The following AAMDC variants were observed in gnomAD, a reference collection of about 807,000 sequenced individuals.
The protein encoded by AAMDC is adipogenesis associated Mth938 domain containing.
A neutral mutation model predicts 15.5 loss-of-function variants in AAMDC; 16 were observed. That is an observed-to-expected ratio of 1.03 (90% confidence interval 0.70 to 1.57). The LOEUF (loss-of-function observed/expected upper bound fraction) is 1.57. AAMDC is among the 40% of genes most tolerant of loss of function. The pLI is 0.00. For synonymous variants in AAMDC, 51 were observed against 51.6 expected (o/e 0.99, Z 0.05); for missense variants, 141 against 144.9 (o/e 0.97, Z 0.14).
chr11:77,835,825 G>A (rs187212302), intron 1 of AAMDC, among the ~76,000 whole-genome samples: 3 of 152,144 alleles, frequency 2.0e-5, no homozygotes, highest in Middle Eastern at 3.4e-3. Flanking sequence ...GGTGGCTGAG[G>A]CACAAGAATC....
chr11:77,856,579 G>A (rs538798596), intron 2 of AAMDC, among the ~76,000 whole-genome samples: 2 of 152,114 alleles, frequency 1.3e-5, no homozygotes, highest in Non-Finnish European at 2.9e-5. Flanking sequence ...ATTGGCTCAC[G>A]GTTCCACAGG....
At chr11:77,843,387 C>T (rs1565202231) in intron 2 of AAMDC, among the ~76,000 whole-genome samples, 2 of 152,150 alleles carry the variant, frequency 1.3e-5, no homozygotes, top group African/African-American at 4.8e-5. Context: ...GATGTAGCCT[C>T]AACAACAGAA....
intron 1 of AAMDC, among the ~76,000 whole-genome samples, chr11:77,837,428 G>A (rs1055605110): frequency 6.8e-6 from 1 of 146,828 alleles, no homozygotes; most frequent in African/African-American, 2.5e-5. Flanking sequence ...AAGCCACTGC[G>A]CCCGTCCCTT....
intron 5 of AAMDC, chr11:77,894,494 A>C: frequency 1.9e-6 from 1 of 538,612 alleles, no homozygotes; most frequent in South Asian, 2.5e-5. Context: ...GAAGACTCCT[A>C]ATGGACCTGG....
At chr11:77,830,987 CAAAAA>C (rs59283485) in intron 1 of AAMDC, among the ~76,000 whole-genome samples, 70 of 100,514 alleles carry the variant, frequency 7.0e-4, no homozygotes, top group East Asian at 5.8e-3. Context: ...CAAAATATAC[CAAAAA>C]AAAAAAAAAA....
At chr11:77,869,122 A>G in intron 2 of AAMDC, 1 of 262,428 alleles carries the variant, frequency 3.8e-6, no homozygotes, top group Non-Finnish European at 7.5e-6. Flanking sequence ...GGCCAAAGGA[A>G]CAACTCCATA....
chr11:77,825,439 G>A (rs1486540706), intron 1 of AAMDC, among the ~76,000 whole-genome samples: 3 of 152,082 alleles, frequency 2.0e-5, no homozygotes, highest in African/African-American at 7.2e-5. Context: ...GCGCACGGTG[G>A]TTCAAAAAAG....
chr11:77,879,241 C>T lies in AAMDC; in HGVS notation c.328+2192C>T, dbSNP rs1490796650. 2.0e-5 allele frequency: 22 copies of T among 1,096,506 alleles called. No individual in the cohort carries two copies. In the South Asian group the frequency reaches 2.1e-4, roughly 11 times the overall value. 67.9% of individuals were successfully genotyped at this position (1,096,506 alleles called of 1,614,324 possible). A position where few individuals can be genotyped will look rare whatever the true frequency, so the allele number is the denominator to read the frequency against. ...AGCAGTAGGGAGAAATTTCTTCATC[C>T]GTCTACATTCCCTCCCCTTACCCTC... is the stretch of plus-strand genomic sequence containing the variant. On this transcript the variant is annotated intron_variant, in intron 5 of 5. Coordinates refer to the AAMDC transcript ENST00000304716.
At chr11:77,839,851 A>T (rs546964317) in intron 1 of AAMDC, among the ~76,000 whole-genome samples, 36 of 152,270 alleles carry the variant, frequency 2.4e-4, no homozygotes, top group Admixed American at 5.9e-4. Context: ...GCATCAGGAT[A>T]AATAGCTAAT....
At chr11:77,840,436 G>C (rs1949880482) in intron 1 of AAMDC, among the ~76,000 whole-genome samples, 2 of 152,114 alleles carry the variant, frequency 1.3e-5, no homozygotes, top group Non-Finnish European at 2.9e-5. Flanking sequence ...GGCTGAGGCA[G>C]GATAATCACT....
intron 3 of AAMDC, among the ~76,000 whole-genome samples, chr11:77,870,885 C>T (rs1406964259): frequency 6.6e-6 from 1 of 152,090 alleles, no homozygotes; most frequent in Non-Finnish European, 1.5e-5. Flanking sequence ...AACTTTTTCC[C>T]CCACTTACAT....
At chr11:77,835,190 C>A (rs1002120347) in intron 1 of AAMDC, among the ~76,000 whole-genome samples, 1 of 152,192 alleles carries the variant, frequency 6.6e-6, no homozygotes, top group African/African-American at 2.4e-5. Flanking sequence ...GAAGTATTCT[C>A]TGAAACCTTT....
Position 77,872,253 on chromosome 11 carries a change from G to T in AAMDC, c.307G>T (p.Glu103Ter). ...CCTCCAGACAGAGCAGGCAGTGAAGGAGTATAATGCCTTGGTTGCCCAAGG... is the reference window on the plus strand; with the variant it reads ...CCTCCAGACAGAGCAGGCAGTGAAGTAGTATAATGCCTTGGTTGCCCAAGG... Reference protein sequence around the residue: ...RVLQTEQAVKEYNALVAQGVR... With the variant: ...RVLQTEQAVK The change falls in exon 4 of 4, where the codon GAG (glutamate) becomes TAG (stop). Residue 103 changes from glutamate (E) to a stop codon, truncating the protein, a stop_gained. Transcript: ENST00000393427. LOFTEE classifies it high-confidence loss of function. The T allele has an allele frequency of 6.2e-7, 1 of 1,613,822 alleles. No individual in the cohort carries two copies. Among genetic ancestry groups the T allele is most frequent in the African/African-American group, 1.3e-5 (1 of 75,048 alleles).
In AAMDC at chr11:77,869,779, A is replaced by G; in HGVS notation, c.190A>G (p.Thr64Ala). The G allele has an allele frequency of 6.2e-7, 1 of 1,613,700 alleles. No individual in the cohort carries two copies. The highest frequency in any genetic ancestry group is 8.5e-7 in the Non-Finnish European group (1 of 1,179,866). ...GGAAGTTGTTGAGAAGGGTGTACAGACTCTTGTGATTGGCCGAGGGATGAG... is the reference window on the plus strand; with the variant it reads ...GGAAGTTGTTGAGAAGGGTGTACAGGCTCTTGTGATTGGCCGAGGGATGAG... ...VKEVVEKGVQTLVIGRGMSEA... is the reference protein window; with the variant it reads ...VKEVVEKGVQALVIGRGMSEA... Residue 64 changes from threonine (T) to alanine (A), a missense_variant, in exon 3 of 4, where the codon ACT becomes GCT. Thr to Ala is a moderately conservative substitution (Grantham distance 58). Coordinates refer to ENST00000393427, the MANE Select transcript of AAMDC (RefSeq NM_024684.4).
At chr11:77,837,998 A>G (rs1277994299) in intron 1 of AAMDC, among the ~76,000 whole-genome samples, 1 of 152,198 alleles carries the variant, frequency 6.6e-6, no homozygotes, top group Non-Finnish European at 1.5e-5. Context: ...ACTGGAGCCC[A>G]GGGGCTTGAG....
intron 5 of AAMDC, among the ~76,000 whole-genome samples, chr11:77,887,260 G>C: frequency 6.6e-6 from 1 of 152,136 alleles, no homozygotes; most frequent in East Asian, 1.9e-4. Context: ...ATGCAAGGCT[G>C]GTTCAACATA....
intron 2 of AAMDC, chr11:77,866,406 G>A (rs1951110278): frequency 6.6e-6 from 1 of 152,218 alleles, no homozygotes; most frequent in East Asian, 1.9e-4. Flanking sequence ...AAGCAGCACA[G>A]GAATTGCTAG....
At chr11:77,896,472 G>A (rs1952523429) in intron 5 of AAMDC, among the ~76,000 whole-genome samples, 1 of 152,076 alleles carries the variant, frequency 6.6e-6, no homozygotes, top group Non-Finnish European at 1.5e-5. Context: ...ACCAAACATG[G>A]AGAAACCCTG....
At chr11:77,872,404 T>G (rs1951474424), downstream of AAMDC, 5 of 1,466,692 alleles carry the variant, frequency 3.4e-6, no homozygotes, top group Admixed American at 4.5e-5. Context: ...CTAAACATTT[T>G]TGGACACCTA....
Sources: allele counts gnomAD v4.1 joint callset (sites outside exome capture counted in the v4.1 genomes callset), GRCh38; gene constraint gnomAD v4.1.1; transcripts MANE v1.5; gene names NCBI Gene and HGNC (gene_info 2026-07-23, HGNC 2026-07-21).